Variants in PIGU observed in about 807,000 individuals in gnomAD.
PIGU encodes the protein phosphatidylinositol glycan anchor biosynthesis class U.
A neutral mutation model predicts 49.9 loss-of-function variants in PIGU; 24 were observed. That is an observed-to-expected ratio of 0.48 (90% confidence interval 0.35 to 0.68). The LOEUF (loss-of-function observed/expected upper bound fraction) is 0.68. Ranked by LOEUF, PIGU falls within the 30% of genes least tolerant of loss-of-function variation. The pLI is 0.01. For missense variants in PIGU, 490 were observed against 532.6 expected (o/e 0.92, Z 0.79); for synonymous variants, 220 against 205.7 (o/e 1.07, Z -0.59).
At chr20:34,667,790 T>C (rs1291838570) in intron 1 of PIGU, among the ~76,000 whole-genome samples, 5 of 151,726 alleles carry the variant, frequency 3.3e-5, no homozygotes. Flanking sequence ...TAGGCAAAAA[T>C]TTAAAAACAG....
chr20:34,667,474 TA>T (rs1160097942), intron 1 of PIGU, among the ~76,000 whole-genome samples: 25 of 146,216 alleles, frequency 1.7e-4, no homozygotes, highest in Admixed American at 2.7e-4. Flanking sequence ...AAAGTGCTTT[TA>T]AAAAAAAAAA....
In PIGU at chr20:34,588,555, C is replaced by G. The variant is rs371895685; in HGVS notation, c.680G>C (p.Trp227Ser). ...TCCCACATACATCATGGCATACTCC[C>G]AAGAAAAGATCCAGAAGGCTTTGCT... ...MKSKAFWIFS[W>S]EYAMMYVGSL... is the part of the protein sequence containing the mutation. The change falls in exon 8 of 12, where the codon TGG (tryptophan) becomes TCG (serine). Residue 227 changes from tryptophan to serine, a missense_variant. Trp to Ser is a radical substitution (Grantham distance 177). Transcript: ENST00000217446. The G allele has an allele frequency of 6.2e-7, 1 of 1,613,976 alleles. No individual in the cohort carries two copies. The highest frequency in any genetic ancestry group is 1.1e-5 in the South Asian group (1 of 91,080).
chr20:34,580,248 C>T lies in PIGU; in HGVS notation c.1051+1300G>A, dbSNP rs374373139. Among the ~76,000 whole-genome samples the T allele has an allele frequency of 2.4e-4, 37 of 152,298 alleles. No individual in the cohort carries two copies. The East Asian group carries it at 2.7e-3, about 11-fold the overall frequency. ...CATGGTTTGTCACTGGCCACTCTGC[C>T]GAGGGGCCCCAAGCTGACTCTCAAC... On this transcript the variant is annotated intron_variant, in intron 10 of 11. Transcript: ENST00000217446.
chr20:34,657,078 G>T, intron 2 of PIGU, 102 bp downstream of exon 2: 2 of 933,462 alleles, frequency 2.1e-6, no homozygotes, highest in East Asian at 2.5e-5. Context: ...TGATCGTCAA[G>T]AATACATCTT....
intron 1 of PIGU, 95 bp downstream of exon 1, chr20:34,676,861 A>T: frequency 6.6e-7 from 1 of 1,519,856 alleles, no homozygotes; most frequent in Non-Finnish European, 8.9e-7. Flanking sequence ...TTCTCTAGGA[A>T]CCGCGCGCTG....
At position 34,560,608 on chromosome 20, in the gene PIGU, TCTC is replaced by T. The variant is rs1982438378; in HGVS notation, c.*255_*257del. The T allele has an allele frequency of 2.3e-6, 1 of 441,626 alleles. No homozygotes were observed. Among genetic ancestry groups the T allele is most frequent in the Non-Finnish European group, 4.0e-6 (1 of 249,938 alleles). The allele number at this position is 441,626 out of a possible 1,614,324, so 27.4% of individuals were successfully genotyped here. A position where few individuals can be genotyped will look rare whatever the true frequency, so the allele number is the denominator to read the frequency against. ...TAACAAGCCCTGCTCACCTGCCTCT[TCTC>T]CTTCCTGTCTGGGAGGGGGCTCCTT... is the stretch of plus-strand genomic sequence containing the variant. On this transcript the variant is annotated 3_prime_UTR_variant, in exon 12 of 12. Transcript: ENST00000217446.
chr20:34,668,054 TG>T (rs1420315364), intron 1 of PIGU, among the ~76,000 whole-genome samples: 1 of 151,972 alleles, frequency 6.6e-6, no homozygotes, highest in Non-Finnish European at 1.5e-5. Flanking sequence ...AAAACCAAAT[TG>T]AGGGACATTC....
intron 2 of PIGU, among the ~76,000 whole-genome samples, chr20:34,653,920 C>A (rs950832071): frequency 4.6e-5 from 7 of 151,748 alleles, no homozygotes; most frequent in South Asian, 2.1e-4. Flanking sequence ...TGCAGTGGCA[C>A]CATCTCGGCT....
intron 1 of PIGU, among the ~76,000 whole-genome samples, chr20:34,673,575 AC>A (rs1482553979): frequency 6.6e-6 from 1 of 152,198 alleles, no homozygotes; most frequent in African/African-American, 2.4e-5. Context: ...CACATGAAAC[AC>A]TACTATGTCC....
chr20:34,636,855 GT>G (rs1255141389), intron 5 of PIGU, among the ~76,000 whole-genome samples: 6 of 152,126 alleles, frequency 3.9e-5, no homozygotes, highest in Non-Finnish European at 7.4e-5. Context: ...ATTGCTGGCG[GT>G]TTTTTTCAGC....
intron 11 of PIGU, among the ~76,000 whole-genome samples, chr20:34,565,104 TCTG>T (rs1982688685): frequency 6.6e-6 from 1 of 152,194 alleles, no homozygotes; most frequent in Non-Finnish European, 1.5e-5. Flanking sequence ...CTTTGCCCAG[TCTG>T]GACAGGGGCG....
chr20:34,561,518 CATCTCATCTCCTAAACAACAGCA>C (rs1195512562), intron 11 of PIGU, among the ~76,000 whole-genome samples: 1 of 152,134 alleles, frequency 6.6e-6, no homozygotes, highest in Non-Finnish European at 1.5e-5. Context: ...GAGCCACTGT[CATCTCATCTCCTAAACAACAGCA>C]AAGCTTGGTC....
intron 11 of PIGU, among the ~76,000 whole-genome samples, chr20:34,571,663 T>C (rs1983018578): frequency 6.6e-6 from 1 of 152,068 alleles, no homozygotes; most frequent in African/African-American, 2.4e-5. Flanking sequence ...GGGGCTGGGT[T>C]TGGGCTGCGC....
At chr20:34,639,235 A>G (rs2146765194) in intron 4 of PIGU, among the ~76,000 whole-genome samples, 1 of 152,166 alleles carries the variant, frequency 6.6e-6, no homozygotes, top group Admixed American at 6.5e-5. Context: ...CCCCGTCTCT[A>G]CTAAAAATAC....
intron 1 of PIGU, among the ~76,000 whole-genome samples, chr20:34,658,230 A>G (rs1471856404): frequency 6.6e-6 from 1 of 152,220 alleles, no homozygotes; most frequent in Non-Finnish European, 1.5e-5. Flanking sequence ...CCTAACCGCG[A>G]GTGATCCGCC....
At chr20:34,571,460 C>T (rs1043636883) in intron 11 of PIGU, among the ~76,000 whole-genome samples, 2 of 152,178 alleles carry the variant, frequency 1.3e-5, no homozygotes, top group Admixed American at 6.5e-5. Context: ...TTGATTTCAG[C>T]AATGATATCA....
chr20:34,629,402 G>A (rs996285526), intron 6 of PIGU, among the ~76,000 whole-genome samples: 1 of 152,168 alleles, frequency 6.6e-6, no homozygotes, highest in Non-Finnish European at 1.5e-5. Flanking sequence ...GACTAGGCTT[G>A]CTCACTATTG....
At chr20:34,597,412 T>C (rs1259915382) in intron 7 of PIGU, among the ~76,000 whole-genome samples, 3 of 152,240 alleles carry the variant, frequency 2.0e-5, no homozygotes, top group Admixed American at 6.5e-5. Context: ...TGTTTTAGAA[T>C]AGGCCAAACT....
At chr20:34,669,436 G>A (rs529579410) in intron 1 of PIGU, among the ~76,000 whole-genome samples, 10 of 152,256 alleles carry the variant, frequency 6.6e-5, no homozygotes, top group Non-Finnish European at 1.3e-4. Context: ...GGAGGCAGAG[G>A]CAGGTAGATC....
Sources: allele counts gnomAD v4.1 joint callset (sites outside exome capture counted in the v4.1 genomes callset), GRCh38; gene constraint gnomAD v4.1.1; transcripts MANE v1.5; gene names NCBI Gene and HGNC (gene_info 2026-07-23, HGNC 2026-07-21).